Variants in RASA3 observed in about 807,000 individuals in gnomAD.
The protein encoded by RASA3 is ras GTPase-activating protein 3.
RASA3 carries 73 observed loss-of-function variants against 110.0 expected under a neutral mutation model. That is an observed-to-expected ratio of 0.66 (90% CI 0.55 to 0.81). RASA3 has a LOEUF of 0.81. Ranked by LOEUF, RASA3 falls within the 30% of genes least tolerant of loss-of-function variation. The pLI is 0.00. For synonymous variants in RASA3, 500 were observed against 451.4 expected, an observed-to-expected ratio of 1.11 and a Z score of -1.37; for missense variants, 976 against 1,113.2, an observed-to-expected ratio of 0.88 and a Z score of 1.75.
intron 4 of RASA3, among the ~76,000 whole-genome samples, chr13:114,030,479 C>T (rs2054136546): frequency 7.6e-6 from 1 of 131,514 alleles, no homozygotes; most frequent in Non-Finnish European, 1.6e-5. Flanking sequence ...AAGGCTCACA[C>T]AGAGGGCAAG....
intron 2 of RASA3, among the ~76,000 whole-genome samples, chr13:114,060,236 C>T (rs149355665): frequency 7.8e-4 from 119 of 152,298 alleles, no homozygotes; most frequent in Non-Finnish European, 1.5e-3. Context: ...GAGCCGAGGT[C>T]AGAGGTCAGG....
chr13:114,131,930 G>A (rs1298494302), intron 1 of RASA3, among the ~76,000 whole-genome samples: 1 of 152,202 alleles, frequency 6.6e-6, no homozygotes, highest in Non-Finnish European at 1.5e-5. Flanking sequence ...GCAGCGCGCC[G>A]GGGCCTCACG....
intron 1 of RASA3, 58 bp downstream of exon 1, chr13:114,132,377 C>T: frequency 7.0e-7 from 1 of 1,430,024 alleles, no homozygotes; most frequent in South Asian, 1.4e-5. Context: ...GAGGCGGGCG[C>T]GGGAGAGGAC....
At chr13:114,021,679 G>A (rs561099677) in intron 8 of RASA3, among the ~76,000 whole-genome samples, 171 bp from the exon 9 acceptor site, 2 of 152,342 alleles carry the variant, frequency 1.3e-5, no homozygotes, top group Admixed American at 6.5e-5. Context: ...AGACCAGCCT[G>A]TGGCTTTGGA....
At position 114,115,823 on chromosome 13, in the gene RASA3, ATG is replaced by A. The variant is rs2080268308; in HGVS notation, c.55+16610_55+16611del. ...CCTGTAACGACGTTGCTACAGATGT[ATG>A]TGTTTGTGTGAAGCTGTATTTAAAT... is the stretch of plus-strand genomic sequence containing the variant. On this transcript the variant is annotated intron_variant, in intron 1 of 23. Transcript: ENST00000334062. The surrounding 1 kb of genome is among the most constrained non-coding windows in gnomAD (Gnocchi z 5.0). 6.6e-6 allele frequency among the ~76,000 whole-genome samples: 1 copy of A among 152,210 alleles called. No homozygotes were observed. The highest frequency in any genetic ancestry group is 2.4e-5 in the African/African-American group (1 of 41,456).
Position 114,018,083 on chromosome 13 carries a change from CG to C in RASA3, c.1091+20del, listed in dbSNP as rs1290329830. ...GTAGCGGGTCCAGGCCGCTCTCCCC[CG>C]GGGCAGGGTGGGCACTCACTGGGTC... On this transcript the variant is annotated intron_variant, in intron 11 of 23. Transcript: ENST00000334062. The C allele has an allele frequency of 2.0e-6, 3 of 1,495,760 alleles. No homozygotes were observed. Among genetic ancestry groups the C allele is most frequent in the Non-Finnish European group, 2.7e-6 (3 of 1,114,338 alleles). 92.7% of individuals were successfully genotyped at this position (1,495,760 alleles called of 1,614,324 possible). A position where few individuals can be genotyped will look rare whatever the true frequency, so the allele number is the denominator to read the frequency against.
chr13:114,016,807 G>A (rs983466721), intron 12 of RASA3, among the ~76,000 whole-genome samples: 15 of 152,254 alleles, frequency 9.9e-5, no homozygotes, highest in South Asian at 6.2e-4. Context: ...GCTCATAAAC[G>A]GGGGGCACAG....
intron 21 of RASA3, among the ~76,000 whole-genome samples, 200 bp downstream of exon 21, chr13:113,996,329 CAG>C (rs2053256053): frequency 6.6e-6 from 1 of 152,202 alleles, no homozygotes; most frequent in African/African-American, 2.4e-5. Context: ...GGAGTCTGCG[CAG>C]AGCCTTCCAG....
At position 113,980,463 on chromosome 13, in the gene RASA3, A is replaced by T. The variant is rs373980693; in HGVS notation, c.2430-1041T>A. ...CCTCCTGCCATGTGTGTGCACCTCC[A>T]CCCATGTGTGTGCACCTCCTGCCAT... On this transcript the variant is annotated intron_variant, in intron 23 of 23. Transcript: ENST00000334062. Among the ~76,000 whole-genome samples, 223 of 85,614 alleles carry T rather than the reference A, an allele frequency of 2.6e-3. 4 individuals carry two copies. The South Asian group carries it at 0.07, about 27-fold the overall frequency. The allele number at this position is 85,614 out of a possible 152,430, so 56.2% of individuals were successfully genotyped here. A position where few individuals can be genotyped will look rare whatever the true frequency, so the allele number is the denominator to read the frequency against.
At chr13:114,130,412 T>C (rs563353134) in intron 1 of RASA3, among the ~76,000 whole-genome samples, 2 of 152,296 alleles carry the variant, frequency 1.3e-5, no homozygotes, top group South Asian at 2.1e-4. Context: ...CACGTGGGAT[T>C]AGCAGCCTAA....
intron 4 of RASA3, among the ~76,000 whole-genome samples, chr13:114,039,236 T>A (rs2054343185): frequency 6.6e-6 from 1 of 150,574 alleles, no homozygotes; most frequent in African/African-American, 2.5e-5. Context: ...ACACTCACCC[T>A]CCTACGTCCC....
At chr13:113,991,923 T>C (rs942145570) in intron 22 of RASA3, among the ~76,000 whole-genome samples, 1 of 151,986 alleles carries the variant, frequency 6.6e-6, no homozygotes, top group Admixed American at 6.5e-5. Flanking sequence ...TTCACTCTCA[T>C]ACATGTCATG....
chr13:114,082,347 C>T (rs997501420), intron 1 of RASA3, among the ~76,000 whole-genome samples: 3 of 152,242 alleles, frequency 2.0e-5, no homozygotes, highest in African/African-American at 7.2e-5. Context: ...GATGCCTGCA[C>T]ACATATCGGC....
intron 1 of RASA3, among the ~76,000 whole-genome samples, chr13:114,111,778 C>A (rs1275312613): frequency 6.6e-6 from 1 of 152,244 alleles, no homozygotes; most frequent in Non-Finnish European, 1.5e-5. Flanking sequence ...GTTTAGAAAA[C>A]CTCATGCGTA....
chr13:114,043,837 G>GC (rs544129523), intron 3 of RASA3, among the ~76,000 whole-genome samples: 266 of 22,758 alleles, frequency 0.012, 31 homozygotes, highest in Middle Eastern at 0.038. Flanking sequence ...CACTCGCTGA[G>GC]CCCCCCGCCC....
chr13:114,066,877 TG>T (rs1244813836), intron 2 of RASA3, among the ~76,000 whole-genome samples: 2 of 152,166 alleles, frequency 1.3e-5, no homozygotes, highest in Non-Finnish European at 2.9e-5. Context: ...ATCCCTGGCC[TG>T]GGGTGCTCTG....
At chr13:114,005,659 C>A (rs2053498844) in intron 18 of RASA3, among the ~76,000 whole-genome samples, 1 of 152,194 alleles carries the variant, frequency 6.6e-6, no homozygotes, top group African/African-American at 2.4e-5. Flanking sequence ...TGCTGGCCAG[C>A]AAGGGAGGAG....
In RASA3 at chr13:114,057,638, C is replaced by T. The variant is rs2079267302; in HGVS notation, c.174-5483G>A. ...GACACCCAAGGCCACGATGCCATAGCCAGGGAGCCCTGAAGAAACTCCTGG... is the reference window on the plus strand; with the variant it reads ...GACACCCAAGGCCACGATGCCATAGTCAGGGAGCCCTGAAGAAACTCCTGG... On this transcript the variant is annotated intron_variant, in intron 2 of 23. Transcript: ENST00000334062. The surrounding 1 kb of genome is among the most constrained non-coding windows in gnomAD (Gnocchi z 5.0). 6.6e-6 allele frequency among the ~76,000 whole-genome samples: 1 copy of T among 152,190 alleles called. No individual in the cohort carries two copies. The highest frequency in any genetic ancestry group is 6.5e-5 in the Admixed American group (1 of 15,284).
rs768927979 is a variant in RASA3 at position 114,091,337 on chromosome 13, T to G, written c.56-17500A>C. ...GTTTCTGAGCTTTCCCCATTCGGTA[T>G]GAGGTTAGCTATGGTTTTGTCATCA... On this transcript the variant is annotated intron_variant, in intron 1 of 23. Transcript: ENST00000334062. Among the ~76,000 whole-genome samples the G allele has an allele frequency of 3.3e-5, 5 of 151,980 alleles. No homozygotes were observed. In the South Asian group the frequency reaches 6.2e-4, roughly 19 times the overall value.
Sources: gnomAD v4.1 joint callset for allele counts (sites outside exome capture counted in the v4.1 genomes callset) on GRCh38, gnomAD v4.1.1 for gene constraint, Gnocchi (gnomAD v3.1) non-coding constraint, MANE v1.5 for transcripts, NCBI Gene and HGNC (gene_info 2026-07-23, HGNC 2026-07-21) for gene names.